ZBTB25: variants seen among roughly 807,000 people sequenced by gnomAD.
ZBTB25 encodes the protein zinc finger and BTB domain containing 25.
ZBTB25 carries 20 observed loss-of-function variants against 34.2 expected under a neutral mutation model. The observed-to-expected ratio is 0.58, with a 90% CI of 0.41 to 0.85. The LOEUF is 0.85. ZBTB25 is among the 40% of genes least tolerant of loss of function. ZBTB25 has a pLI of 0.00. For synonymous variants in ZBTB25, 175 were observed against 186.4 expected, an observed-to-expected ratio of 0.94 and a Z score of 0.50; for missense variants, 437 against 521.8, an observed-to-expected ratio of 0.84 and a Z score of 1.58.
intron 2 of ZBTB25, chr14:64,462,668 A>G (rs974630588): frequency 1.1e-4 from 16 of 152,178 alleles, no homozygotes; most frequent in African/African-American, 3.9e-4. Flanking sequence ...ATGTACACAC[A>G]GTCTTAATTC....
chr14:64,492,689 TGA>T (rs1404433158), intron 1 of ZBTB25, among the ~76,000 whole-genome samples: 1 of 151,778 alleles, frequency 6.6e-6, no homozygotes, highest in Non-Finnish European at 1.5e-5. Flanking sequence ...CATAGGGAAA[TGA>T]GACATAGCAC....
At chr14:64,461,832 A>C (rs1421671583) in intron 2 of ZBTB25, 1 of 152,176 alleles carries the variant, frequency 6.6e-6, no homozygotes, top group African/African-American at 2.4e-5. Context: ...CCTGGCCTCA[A>C]GTGATCCTCC....
At chr14:64,468,475 G>A in intron 2 of ZBTB25, 1 of 1,614,092 alleles carries the variant, frequency 6.2e-7, no homozygotes, top group Non-Finnish European at 8.5e-7. Flanking sequence ...GGGCTGAAAG[G>A]CAGAAGGAAA....
Position 64,479,473 on chromosome 14 carries a change from C to G in ZBTB25, c.*7450G>C, listed in dbSNP as rs1742159. 0.59 allele frequency: 89,662 copies of G among 152,118 alleles called. 27,699 individuals carry two copies. Among genetic ancestry groups the G allele is most frequent in the African/African-American group, 0.78 (32,283 of 41,492 alleles). 9.4% of individuals were successfully genotyped at this position (152,118 alleles called of 1,614,324 possible). ...TGTGTCCAAATGACTGGGCCATGGG[C>G]TGCCCCAATAGTTAGTCAAACATTA... is the stretch of plus-strand genomic sequence containing the variant. On this transcript the variant is annotated 3_prime_UTR_variant, in exon 3 of 3. Transcript: ENST00000608382.
chr14:64,490,634 TAC>T, intron 1 of ZBTB25, 94 bp from the exon 2 acceptor site: 2 of 1,160,930 alleles, frequency 1.7e-6, no homozygotes, highest in Non-Finnish European at 2.4e-6. Flanking sequence ...CACACAAACC[TAC>T]AGAGTAACAA....
chr14:64,503,649 C>A lies in ZBTB25; in HGVS notation c.-8+12G>T, dbSNP rs890576428. ...CCGGGGCAGCCCACAGGGGCAGGAC[C>A]GCGTCGCTTACCCAGATGCCGCCGC... On this transcript the variant is annotated intron_variant, in intron 1 of 2. Coordinates refer to ENST00000608382, the MANE Select transcript of ZBTB25 (RefSeq NM_006977.5). 2.0e-6 allele frequency: 2 copies of A among 981,154 alleles called. No individual in the cohort carries two copies. Among genetic ancestry groups the A allele is most frequent in the African/African-American group, 3.5e-5 (2 of 57,108 alleles). 60.8% of individuals were successfully genotyped at this position (981,154 alleles called of 1,614,324 possible).
chr14:64,501,274 C>T (rs900983634), intron 1 of ZBTB25, among the ~76,000 whole-genome samples: 3 of 152,158 alleles, frequency 2.0e-5, no homozygotes, highest in African/African-American at 4.8e-5. Context: ...GCTCTATATA[C>T]ACTATCTCTT....
At chr14:64,494,397 A>G (rs2079195759) in intron 1 of ZBTB25, among the ~76,000 whole-genome samples, 1 of 152,180 alleles carries the variant, frequency 6.6e-6, no homozygotes, top group African/African-American at 2.4e-5. Flanking sequence ...CTTTGGGAGG[A>G]CAAGGTGAGT....
chr14:64,460,838 C>G (rs1025294336), intron 2 of ZBTB25: 2 of 152,064 alleles, frequency 1.3e-5, no homozygotes, highest in African/African-American at 4.8e-5. Flanking sequence ...CCAGCTTGGC[C>G]AACATGGTAA....
chr14:64,504,683 C>G (rs2079608685), upstream of ZBTB25: 1 of 359,056 alleles, frequency 2.8e-6, no homozygotes, highest in South Asian at 1.5e-4. Flanking sequence ...CCGCAGCGAA[C>G]TGGTGGGCAG....
chr14:64,470,846 A>G (rs931886531), intron 2 of ZBTB25: 1 of 167,040 alleles, frequency 6.0e-6, no homozygotes, highest in South Asian at 2.1e-4. Context: ...TATCACAGAT[A>G]ATATAGGATT....
At chr14:64,496,544 A>G (rs1456836026) in intron 1 of ZBTB25, among the ~76,000 whole-genome samples, 1 of 152,200 alleles carries the variant, frequency 6.6e-6, no homozygotes, top group East Asian at 1.9e-4. Flanking sequence ...GGTTATATTT[A>G]TCAATATTTA....
chr14:64,461,572 C>CTTT (rs1566583157), intron 2 of ZBTB25: 10 of 85,266 alleles, frequency 1.2e-4, no homozygotes, highest in East Asian at 7.8e-4. Context: ...CTTTTTTTTT[C>CTTT]CTTTTTTTTT....
At chr14:64,500,860 G>T (rs982729556) in intron 1 of ZBTB25, among the ~76,000 whole-genome samples, 1 of 152,182 alleles carries the variant, frequency 6.6e-6, no homozygotes, top group African/African-American at 2.4e-5. Context: ...AGACCCGCCT[G>T]GCCAACATGG....
At chr14:64,457,605 G>A (rs1241091649) in intron 2 of ZBTB25, among the ~76,000 whole-genome samples, 6 of 151,936 alleles carry the variant, frequency 3.9e-5, no homozygotes, top group Non-Finnish European at 7.4e-5. Flanking sequence ...ACAGGCACAC[G>A]CCACCATGCC....
chr14:64,485,049 A>G lies in ZBTB25; in HGVS notation c.*1874T>C, dbSNP rs980892494. ...GTCTTAACCATAGGAGCCTTTACTC[A>G]CTTGTTTAAGGCAGAAACTCAACTG... On this transcript the variant is annotated 3_prime_UTR_variant, in exon 3 of 3. Transcript: ENST00000608382. 16 of 985,346 alleles carry G rather than the reference A, an allele frequency of 1.6e-5. No individual in the cohort carries two copies. The highest frequency in any genetic ancestry group is 1.9e-5 in the Non-Finnish European group (16 of 829,940). The allele number at this position is 985,346 out of a possible 1,614,324, so 61.0% of individuals were successfully genotyped here.
In ZBTB25 at chr14:64,471,592, T is replaced by G. The variant is rs140114120; in HGVS notation, c.173+18769A>C. ...TGAAAAAGTAATCCTATTTCAATCT[T>G]TCCTTGTGTGAAATGGCCATAATAC... On this transcript the variant is annotated intron_variant, in intron 2 of 2. Coordinates refer to the ZBTB25 transcript ENST00000555220. 5.1e-4 allele frequency: 86 copies of G among 167,262 alleles called. 2 individuals carry two copies. The East Asian group carries it at 0.016, about 31-fold the overall frequency. 10.4% of individuals were successfully genotyped at this position (167,262 alleles called of 1,614,324 possible).
chr14:64,490,697 C>T (rs1012128368), intron 1 of ZBTB25, among the ~76,000 whole-genome samples, 157 bp from the exon 2 acceptor site: 1 of 152,206 alleles, frequency 6.6e-6, no homozygotes, highest in African/African-American at 2.4e-5. Context: ...CTATTACTTT[C>T]ACTGCAAACA....
chr14:64,502,746 T>C, intron 1 of ZBTB25: 1 of 983,114 alleles, frequency 1.0e-6, no homozygotes, highest in Non-Finnish European at 1.2e-6. Context: ...GTCTGGAGCC[T>C]TGGAGTCTTA....
Sources: allele counts gnomAD v4.1 joint callset (sites outside exome capture counted in the v4.1 genomes callset), GRCh38; gene constraint gnomAD v4.1.1; transcripts MANE v1.5; gene names NCBI Gene and HGNC (gene_info 2026-07-23, HGNC 2026-07-21).